CIROZ: variants seen among roughly 807,000 people sequenced by gnomAD.
The protein encoded by CIROZ is ciliated left-right organizer protein containing ZP-N domains.
chr1:10,981,041 T>C, the CIROZ span, among the ~76,000 whole-genome samples: 1 of 152,254 alleles, frequency 6.6e-6, no homozygotes, highest in Non-Finnish European at 1.5e-5. Context: ...CCAGCTATTG[T>C]GACATTCCAG....
the CIROZ span, among the ~76,000 whole-genome samples, chr1:10,958,130 G>A: frequency 6.6e-6 from 1 of 152,218 alleles, no homozygotes; most frequent in Non-Finnish European, 1.5e-5. Flanking sequence ...ATGGGAATCA[G>A]GGTCTTGAAT....
the CIROZ span, chr1:10,969,830 T>TG: frequency 3.9e-6 from 5 of 1,286,854 alleles, no homozygotes; most frequent in East Asian, 8.3e-5. Flanking sequence ...GGAAGGGCTG[T>TG]GGGGGGAGGT....
At chr1:10,961,100 G>A in the CIROZ span, among the ~76,000 whole-genome samples, 1 of 152,244 alleles carries the variant, frequency 6.6e-6, no homozygotes, top group Non-Finnish European at 1.5e-5. Context: ...TGGAGACCAA[G>A]CGGCGCCCGA....
chr1:10,966,772 G>A, the CIROZ span, among the ~76,000 whole-genome samples: 7 of 152,110 alleles, frequency 4.6e-5, no homozygotes, highest in South Asian at 1.5e-3. Context: ...TTCCTCCTTT[G>A]CCCCAGTTGT....
At chr1:10,955,328 G>T in the CIROZ span, 2 of 683,070 alleles carry the variant, frequency 2.9e-6, no homozygotes, top group Non-Finnish European at 4.6e-6. Flanking sequence ...CAAGTTACTT[G>T]GTGTCCTGGT....
the CIROZ span, chr1:10,947,792 G>A: frequency 6.2e-7 from 1 of 1,600,054 alleles, no homozygotes; most frequent in South Asian, 1.1e-5. Context: ...GGCCAGCCTG[G>A]AAGGGGTATT....
the CIROZ span, among the ~76,000 whole-genome samples, chr1:10,967,022 G>A: frequency 1.3e-5 from 2 of 151,990 alleles, no homozygotes; most frequent in South Asian, 2.1e-4. Flanking sequence ...GGTGGTGCCC[G>A]CCTGTAATTC....
chr1:10,954,793 A>G, the CIROZ span, among the ~76,000 whole-genome samples: 2 of 151,948 alleles, frequency 1.3e-5, no homozygotes, highest in African/African-American at 2.4e-5. Context: ...AGGTCTCACT[A>G]TGTTTCCCAG....
At chr1:10,956,826 A>G in the CIROZ span, among the ~76,000 whole-genome samples, 3 of 152,022 alleles carry the variant, frequency 2.0e-5, no homozygotes, top group African/African-American at 7.2e-5. Flanking sequence ...CTCCACACAC[A>G]CATACCCCAA....
At chr1:10,969,832 G>C in the CIROZ span, 1 of 1,300,978 alleles carries the variant, frequency 7.7e-7, no homozygotes, top group Non-Finnish European at 1.0e-6. Context: ...AAGGGCTGTG[G>C]GGGGAGGTGG....
At chr1:10,970,199 C>G in the CIROZ span, 1 of 1,090,980 alleles carries the variant, frequency 9.2e-7, no homozygotes, top group South Asian at 1.6e-5. Flanking sequence ...CTCCTCTCAG[C>G]CTGGCTTCAA....
the CIROZ span, chr1:10,976,270 G>A: frequency 3.9e-6 from 6 of 1,524,186 alleles, no homozygotes; most frequent in Non-Finnish European, 3.5e-6. Flanking sequence ...CGGGAGAGGA[G>A]GGAAGGGGGT....
At chr1:10,949,383 C>T in the CIROZ span, 4,096 of 562,314 alleles carry the variant, frequency 7.3e-3, 121 homozygotes, top group African/African-American at 0.064. Context: ...GGGAGGCTGC[C>T]GTGATCCAGG....
chr1:10,959,535 G>C, the CIROZ span, among the ~76,000 whole-genome samples: 1 of 152,326 alleles, frequency 6.6e-6, no homozygotes, highest in South Asian at 2.1e-4. The surrounding 1 kb of genome is among the most constrained non-coding windows in gnomAD (Gnocchi z 4.3). Context: ...ACTTGGCCAG[G>C]GAGGTTGTGG....
the CIROZ span, chr1:10,948,895 A>C: frequency 6.3e-6 from 9 of 1,432,952 alleles, no homozygotes; most frequent in Admixed American, 2.4e-5. Flanking sequence ...ACAAGAACAC[A>C]TGGGCTCCGG....
At chr1:10,968,028 G>A in the CIROZ span, among the ~76,000 whole-genome samples, 11 of 150,864 alleles carry the variant, frequency 7.3e-5, no homozygotes, top group East Asian at 2.1e-3. Context: ...CGCGGTGGGG[G>A]GGCACCTGTA....
the CIROZ span, chr1:10,948,440 G>C: frequency 0.21 from 331,434 of 1,613,358 alleles, 40,819 homozygotes; most frequent in South Asian, 0.45. Context: ...CGCTTGACAA[G>C]CCTCTCAGCA....
At chr1:10,953,826 C>T in the CIROZ span, among the ~76,000 whole-genome samples, 1 of 152,332 alleles carries the variant, frequency 6.6e-6, no homozygotes, top group East Asian at 1.9e-4. Context: ...CCACTCAGTT[C>T]TCATGATACT....
the CIROZ span, chr1:10,957,437 T>A: frequency 1.2e-6 from 1 of 851,894 alleles, no homozygotes; most frequent in South Asian, 1.9e-5. Flanking sequence ...GAGCCCCTCA[T>A]CTGCAGAGCG....
Sources: gnomAD v4.1 joint callset for allele counts (sites outside exome capture counted in the v4.1 genomes callset) on GRCh38, gnomAD v4.1.1 for gene constraint, Gnocchi (gnomAD v3.1) non-coding constraint, MANE v1.5 for transcripts, NCBI Gene and HGNC (gene_info 2026-07-23, HGNC 2026-07-21) for gene names.